Variants in NEDD4 observed in about 807,000 individuals in gnomAD.
The protein encoded by NEDD4 is NEDD4 E3 ubiquitin protein ligase, also known as E3 ubiquitin-protein ligase NEDD4.
Under a neutral mutation model 144.9 loss-of-function variants are expected in NEDD4, and 99 were observed. The ratio of observed to expected loss-of-function variants is 0.68; its 90% CI spans 0.58 to 0.81. The LOEUF (loss-of-function observed/expected upper bound fraction) is 0.81. Ranked by LOEUF, NEDD4 falls within the 30% of genes least tolerant of loss-of-function variation. NEDD4 has a pLI of 0.00. For synonymous variants in NEDD4, 318 were observed against 350.6 expected, an observed-to-expected ratio of 0.91 and a Z score of 1.04; for missense variants, 985 against 1,065.9, an observed-to-expected ratio of 0.92 and a Z score of 1.06.
Position 55,860,796 on chromosome 15 carries a change from A to G in NEDD4, c.675-18T>C. ...GGTTGTCCCTATATTGGAAGTATAAAAAGCCATCATCCATGTCTTAAGTAG... is the reference window on the plus strand; with the variant it reads ...GGTTGTCCCTATATTGGAAGTATAAGAAGCCATCATCCATGTCTTAAGTAG... On this transcript the variant is annotated intron_variant, in intron 9 of 28. Coordinates refer to ENST00000435532, the MANE Select transcript of NEDD4 (RefSeq NM_006154.4). 2 of 1,605,378 alleles carry G rather than the reference A, an allele frequency of 1.2e-6. No homozygotes were observed. The highest frequency in any genetic ancestry group is 1.1e-5 in the South Asian group (1 of 90,546).
intron 12 of NEDD4, 52 bp downstream of exon 12, chr15:55,856,079 G>A (rs763442523): frequency 3.4e-6 from 5 of 1,489,702 alleles, no homozygotes; most frequent in Admixed American, 3.4e-5. Context: ...AAAATAAAAA[G>A]AGATGCTGAG....
chr15:55,908,605 A>G (rs913558617), intron 5 of NEDD4, among the ~76,000 whole-genome samples: 2 of 152,208 alleles, frequency 1.3e-5, no homozygotes, highest in Non-Finnish European at 2.9e-5. Flanking sequence ...TCAGGCCCCC[A>G]TTCTGAGACC....
At chr15:55,973,623 G>A (rs1441658329) in intron 1 of NEDD4, among the ~76,000 whole-genome samples, 1 of 147,774 alleles carries the variant, frequency 6.8e-6, no homozygotes, top group East Asian at 2.2e-4. Context: ...ATAACAAGAG[G>A]AACTTGGAAA....
intron 2 of NEDD4, among the ~76,000 whole-genome samples, chr15:55,954,367 C>A (rs2142308290): frequency 6.6e-6 from 1 of 152,260 alleles, no homozygotes. Flanking sequence ...GTTCTCTCTA[C>A]ATTTTCCCTT....
At chr15:55,962,108 C>G (rs1416344979) in intron 2 of NEDD4, among the ~76,000 whole-genome samples, 1 of 151,994 alleles carries the variant, frequency 6.6e-6, no homozygotes, top group African/African-American at 2.4e-5. Context: ...TTATATATTC[C>G]TGATTGACTT....
intron 6 of NEDD4, among the ~76,000 whole-genome samples, chr15:55,873,730 A>G (rs564166628): frequency 1.1e-4 from 16 of 152,212 alleles, no homozygotes; most frequent in Admixed American, 5.2e-4. Context: ...CACAATGCCA[A>G]CAAACATCAG....
At chr15:55,935,176 C>A (rs1438287104) in intron 4 of NEDD4, among the ~76,000 whole-genome samples, 1 of 151,952 alleles carries the variant, frequency 6.6e-6, no homozygotes, top group East Asian at 1.9e-4. Context: ...CCTTGTTCTG[C>A]ATTTTTCTTG....
intron 1 of NEDD4, among the ~76,000 whole-genome samples, chr15:55,991,684 C>T (rs769104408): frequency 6.6e-6 from 1 of 152,204 alleles, no homozygotes; most frequent in Non-Finnish European, 1.5e-5. Flanking sequence ...ATGGGATAGG[C>T]CACAGTCCAT....
At chr15:55,874,457 T>C (rs1305929896) in intron 5 of NEDD4, among the ~76,000 whole-genome samples, 4 of 151,900 alleles carry the variant, frequency 2.6e-5, no homozygotes, top group Non-Finnish European at 5.9e-5. Context: ...TAGTTTGGGG[T>C]TGACAGCATA....
chr15:55,969,789 C>T (rs1486230564), intron 1 of NEDD4, among the ~76,000 whole-genome samples: 1 of 152,014 alleles, frequency 6.6e-6, no homozygotes, highest in Admixed American at 6.6e-5. Context: ...AGGCCTTGGG[C>T]AAGACTCAGT....
chr15:55,835,775 C>T (rs1374133153), intron 24 of NEDD4, among the ~76,000 whole-genome samples: 1 of 152,254 alleles, frequency 6.6e-6, no homozygotes, highest in East Asian at 1.9e-4. Context: ...TAGCACTTTC[C>T]CAACTCTGCT....
chr15:55,989,996 T>G (rs1029813839), intron 1 of NEDD4, among the ~76,000 whole-genome samples: 11 of 151,964 alleles, frequency 7.2e-5, no homozygotes, highest in African/African-American at 2.7e-4. Context: ...TTGTGAACTG[T>G]CCATGCAAGC....
chr15:55,941,234 T>C (rs1181949319), intron 4 of NEDD4, among the ~76,000 whole-genome samples: 1 of 152,158 alleles, frequency 6.6e-6, no homozygotes, highest in Non-Finnish European at 1.5e-5. Flanking sequence ...TGTCCATTGA[T>C]TTCCACTCTT....
chr15:55,860,931 A>G (rs1263917843), intron 9 of NEDD4, among the ~76,000 whole-genome samples, 153 bp from the exon 10 acceptor site: 2 of 152,226 alleles, frequency 1.3e-5, no homozygotes, highest in Non-Finnish European at 2.9e-5. Flanking sequence ...CAAAGATTCA[A>G]TCATGGGTAG....
At position 55,916,624 on chromosome 15, in the gene NEDD4, C is replaced by G. The variant is rs111308798; in HGVS notation, c.291+8022G>C. 2,916 of 1,614,020 alleles carry G rather than the reference C, an allele frequency of 1.8e-3. 5 individuals are homozygous for G. Among genetic ancestry groups the G allele is most frequent in the Non-Finnish European group, 2.2e-3 (2,544 of 1,179,918 alleles). ...TCAGATGAGGGAACAGATGATCTTTCTTGAGACTGAACGTTTTCCTTTATT... is the reference window on the plus strand; with the variant it reads ...TCAGATGAGGGAACAGATGATCTTTGTTGAGACTGAACGTTTTCCTTTATT... On this transcript the variant is annotated intron_variant, in intron 5 of 28. Coordinates refer to ENST00000435532, the MANE Select transcript of NEDD4 (RefSeq NM_006154.4).
Position 55,837,782 on chromosome 15 carries a change from T to C in NEDD4, c.2262+7A>G, listed in dbSNP as rs781373794. 33 of 1,606,150 alleles carry C rather than the reference T, an allele frequency of 2.1e-5. No homozygotes were observed. The highest frequency in any genetic ancestry group is 2.7e-5 in the Non-Finnish European group (32 of 1,173,904). ...TTATGGAAGAGCAAATAAAAGAAAA[T>C]GAATACCTCTTTAAAAGCAGCCATT... On this transcript the variant is annotated splice_region_variant and intron_variant, in intron 24 of 28. Coordinates refer to ENST00000435532, the MANE Select transcript of NEDD4 (RefSeq NM_006154.4).
intron 12 of NEDD4, among the ~76,000 whole-genome samples, chr15:55,855,333 G>A (rs1385588615): frequency 3.9e-5 from 6 of 152,152 alleles, no homozygotes; most frequent in African/African-American, 1.2e-4. Flanking sequence ...ATTCCAAGTG[G>A]GGAAATGGAA....
chr15:55,902,951 A>G (rs1173689754), intron 5 of NEDD4, among the ~76,000 whole-genome samples: 2 of 152,162 alleles, frequency 1.3e-5, no homozygotes, highest in Non-Finnish European at 2.9e-5. Flanking sequence ...CAGTGAACCG[A>G]GATCGTGCTA....
In NEDD4 at chr15:55,982,920, G is replaced by A. The variant is rs574906369; in HGVS notation, c.45+10591C>T. 4.5e-4 allele frequency among the ~76,000 whole-genome samples: 69 copies of A among 152,128 alleles called. 1 individual carries two copies. In the South Asian group the frequency reaches 0.011, roughly 24 times the overall value. On this transcript the variant is annotated intron_variant, in intron 1 of 28. Coordinates refer to ENST00000435532, the MANE Select transcript of NEDD4 (RefSeq NM_006154.4). The stretch of plus-strand genomic sequence containing the variant: ...GTGGATCACCTGAGGTCAGGAGTTC[G>A]AGACCAGCCTGGCCAACATGGTGAA...
Sources: gnomAD v4.1 joint callset for allele counts (sites outside exome capture counted in the v4.1 genomes callset) on GRCh38, gnomAD v4.1.1 for gene constraint, MANE v1.5 for transcripts, NCBI Gene and HGNC (gene_info 2026-07-23, HGNC 2026-07-21) for gene names.